The following ZNF621 variants were observed in gnomAD, a reference collection of about 807,000 sequenced individuals.
The protein encoded by ZNF621 is zinc finger protein 621.
In ZNF621, 6 loss-of-function variants were observed where a neutral mutation model predicts 12.7. The observed-to-expected ratio is 0.47, with a 90% CI of 0.26 to 0.93. The LOEUF (loss-of-function observed/expected upper bound fraction) is 0.93. ZNF621 is among the 40% of genes least tolerant of loss of function. The pLI, the probability that ZNF621 is intolerant of heterozygous loss-of-function variation, is 0.15. For missense variants in ZNF621, 474 were observed against 524.0 expected (o/e 0.90, Z 0.93); for synonymous variants, 156 against 190.3 (o/e 0.82, Z 1.48).
chr3:40,529,184 G>A, intron 2 of ZNF621, 135 bp from the exon 3 acceptor site: 1 of 1,060,352 alleles, frequency 9.4e-7, no homozygotes, highest in East Asian at 2.7e-5. Context: ...GGTGGTGGGT[G>A]TTCTTGTTGA....
chr3:40,538,571 A>G lies in ZNF621; in HGVS notation c.*5481A>G, dbSNP rs769021853. On this transcript the variant is annotated 3_prime_UTR_variant, in exon 5 of 5. Coordinates refer to ENST00000339296, the MANE Select transcript of ZNF621 (RefSeq NM_198484.5). ...CGTTGATAATGTGTCTGGTCACCCA[A>G]GAGTTCTGATGGAGATGTACAAAGA... 6.4e-6 allele frequency: 1 copy of G among 155,544 alleles called. No homozygotes were observed. The highest frequency in any genetic ancestry group is 1.4e-5 in the Non-Finnish European group (1 of 70,192). The allele number at this position is 155,544 out of a possible 1,614,324, so 9.6% of individuals were successfully genotyped here. A position where few individuals can be genotyped will look rare whatever the true frequency, so the allele number is the denominator to read the frequency against.
rs947527468 is a variant in ZNF621 at position 40,529,182 on chromosome 3, G to A, written c.25-137G>A. On this transcript the variant is annotated intron_variant, in intron 2 of 4. Coordinates refer to ENST00000339296, the MANE Select transcript of ZNF621 (RefSeq NM_198484.5). ...GGCTCGCCCCTGGCTGTGGTGGTGGGTGTTCTTGTTGAGCAGACCTTACAT... is the reference window on the plus strand; with the variant it reads ...GGCTCGCCCCTGGCTGTGGTGGTGGATGTTCTTGTTGAGCAGACCTTACAT... 42 of 1,008,684 alleles carry A rather than the reference G, an allele frequency of 4.2e-5. No individual in the cohort carries two copies. In the African/African-American group the frequency reaches 6.4e-4, roughly 15 times the overall value. 62.5% of individuals were successfully genotyped at this position (1,008,684 alleles called of 1,614,324 possible).
chr3:40,527,478 C>T (rs1698613256), intron 2 of ZNF621, among the ~76,000 whole-genome samples: 4 of 152,124 alleles, frequency 2.6e-5, no homozygotes, highest in Admixed American at 2.0e-4. Context: ...ATTACAGGTG[C>T]ACACCACCAT....
intron 2 of ZNF621, among the ~76,000 whole-genome samples, chr3:40,527,486 C>T (rs1698613485): frequency 6.6e-6 from 1 of 152,180 alleles, no homozygotes; most frequent in Admixed American, 6.5e-5. Context: ...TGCACACCAC[C>T]ATGCTGGGCT....
chr3:40,539,754 A>G lies in ZNF621; in HGVS notation c.*6664A>G, dbSNP rs901296280. On this transcript the variant is annotated 3_prime_UTR_variant, in exon 5 of 5. Transcript: ENST00000339296. ...ATCATTTAAAAAGCCTGATGATTTA[A>G]TATTTTTCATAAAGAAAACTTTTGA... 3.3e-5 allele frequency: 5 copies of G among 152,216 alleles called. No homozygotes were observed. Among genetic ancestry groups the G allele is most frequent in the Admixed American group, 2.6e-4 (4 of 15,284 alleles). 9.4% of individuals were successfully genotyped at this position (152,216 alleles called of 1,614,324 possible).
Position 40,537,893 on chromosome 3 carries a change from C to T in ZNF621, c.*4803C>T, listed in dbSNP as rs571564985. ...GTTAATTGATGAAGTTGCTACACCA[C>T]GAGATTTTCAGTGTATTCCAAACAG... On this transcript the variant is annotated 3_prime_UTR_variant, in exon 5 of 5. Coordinates refer to ENST00000339296, the MANE Select transcript of ZNF621 (RefSeq NM_198484.5). Among the ~76,000 whole-genome samples, 29 of 152,196 alleles carry T rather than the reference C, an allele frequency of 1.9e-4. No individual in the cohort carries two copies. The highest frequency in any genetic ancestry group is 2.6e-4 in the Non-Finnish European group (18 of 68,042).
chr3:40,523,634 G>A (rs1052401394), upstream of ZNF621, among the ~76,000 whole-genome samples: 2 of 151,902 alleles, frequency 1.3e-5, no homozygotes, highest in African/African-American at 2.4e-5. Context: ...GCGTGGTGGC[G>A]GGGTGCCTGT....
chr3:40,529,641 G>A, intron 3 of ZNF621, 196 bp downstream of exon 3: 1 of 1,389,016 alleles, frequency 7.2e-7, no homozygotes, highest in South Asian at 1.2e-5. Flanking sequence ...TGTTTGTTTT[G>A]AGACAGAGTC....
chr3:40,531,811 G>A (rs56351887), intron 4 of ZNF621, among the ~76,000 whole-genome samples: 46,510 of 152,004 alleles, frequency 0.31, 7,669 homozygotes, highest in South Asian at 0.41. Context: ...CCATCCGCCT[G>A]CCTCAGCCTC....
In ZNF621 at chr3:40,532,996, C is replaced by T. The variant is rs1378824764; in HGVS notation, c.1226C>T (p.Ser409Phe). The change falls in exon 5 of 5, where the codon TCT (serine) becomes TTT (phenylalanine). Residue 409 changes from serine to phenylalanine, a missense_variant. Transcript: ENST00000339296. ...CTGCTGCCTACATCTGGAATACCTTCTTCATCTGCCCAAATAGTGCGTGTC... is the reference window on the plus strand; with the variant it reads ...CTGCTGCCTACATCTGGAATACCTTTTTCATCTGCCCAAATAGTGCGTGTC... ...FMLLPTSGIPSSSAQIVRVFQ... is the reference protein window; with the variant it reads ...FMLLPTSGIPFSSAQIVRVFQ... The T allele has an allele frequency of 1.4e-5, 21 of 1,551,698 alleles. No homozygotes were observed. In the East Asian group the frequency reaches 5.1e-4, roughly 38 times the overall value.
rs775297040 is a variant in ZNF621 at position 40,532,846 on chromosome 3, A to G, written c.1076A>G (p.Gln359Arg). The G allele has an allele frequency of 8.7e-6, 14 of 1,613,738 alleles. No individual in the cohort carries two copies. Among genetic ancestry groups the G allele is most frequent in the Middle Eastern group, 1.6e-4 (1 of 6,084 alleles). The change falls in exon 5 of 5, where the codon CAG becomes CGG. Residue 359 changes from glutamine (Q) to arginine (R), a missense_variant. Coordinates refer to ENST00000339296, the MANE Select transcript of ZNF621 (RefSeq NM_198484.5). The part of the protein sequence containing the change: ...KVLGPSLVSP[Q>R]CSSPAIPPVL... ...CTTGGGCCATCCCTGGTCAGTCCCC[A>G]GTGCTCCTCTCCAGCCATACCTCCT...
rs370700559 is a variant in ZNF621, at chr3:40,528,513, C to T, written c.25-806C>T. ...TCAACTCCTAAATTTAGTTAAGCACCAAGGAGCATGACTGCTGGGTTGTAT... is the reference window on the plus strand; with the variant it reads ...TCAACTCCTAAATTTAGTTAAGCACTAAGGAGCATGACTGCTGGGTTGTAT... On this transcript the variant is annotated intron_variant, in intron 2 of 4. Coordinates refer to ENST00000339296, the MANE Select transcript of ZNF621 (RefSeq NM_198484.5). Among the ~76,000 whole-genome samples, 34 of 152,202 alleles carry T rather than the reference C, an allele frequency of 2.2e-4. 1 individual carries two copies. Among genetic ancestry groups the T allele is most frequent in the African/African-American group, 7.0e-4 (29 of 41,528 alleles).
rs1698753721 is a variant in ZNF621 at position 40,532,498 on chromosome 3, C to G, written c.728C>G (p.Ala243Gly). The change falls in exon 5 of 5, where the codon GCT becomes GGT. Residue 243 changes from alanine to glycine, a missense_variant. Ala to Gly is a moderately conservative substitution (Grantham distance 60). Transcript: ENST00000339296. ...TATGAATGTAAAGAGTGTGGAAAGG[C>G]TTTCCGTAGGAGTGCGGCATACCTG... ...KPYECKECGK[A>G]FRRSAAYLQH... The G allele has an allele frequency of 6.2e-7, 1 of 1,614,030 alleles. No homozygotes were observed. Among genetic ancestry groups the G allele is most frequent in the Non-Finnish European group, 8.5e-7 (1 of 1,180,044 alleles).
intron 1 of ZNF621, chr3:40,525,567 T>C: frequency 1.7e-6 from 1 of 605,588 alleles, no homozygotes. Flanking sequence ...AAAAAAGCTC[T>C]TCGGACTGAG....
intron 2 of ZNF621, among the ~76,000 whole-genome samples, chr3:40,527,175 G>A (rs1189024813): frequency 2.0e-5 from 3 of 151,952 alleles, no homozygotes; most frequent in African/African-American, 4.8e-5. Context: ...CCGCCACCAC[G>A]TCCGGCTAAT....
At position 40,532,224 on chromosome 3, in the gene ZNF621, G is replaced by T. The variant is rs1396195802; in HGVS notation, c.454G>T (p.Glu152Ter). 1.2e-6 allele frequency: 2 copies of T among 1,614,008 alleles called. No homozygotes were observed. Among genetic ancestry groups the T allele is most frequent in the Non-Finnish European group, 8.5e-7 (1 of 1,180,038 alleles). The change falls in exon 5 of 5, where the codon GAA becomes TAA. Residue 152 changes from glutamate to a stop codon, truncating the protein, a stop_gained. Coordinates refer to ENST00000339296, the MANE Select transcript of ZNF621 (RefSeq NM_198484.5). LOFTEE classifies it low-confidence loss of function (END_TRUNC). The stretch of plus-strand genomic sequence containing the variant: ...ACTTCGAGGTGGAATGAAGTTCTAT[G>T]AATGTAAAGAATGTGGGAAAATCTT... ...LILRGGMKFYECKECGKIFRY... is the reference protein window; with the variant it reads ...LILRGGMKFY
intron 1 of ZNF621, 103 bp from the exon 2 acceptor site, chr3:40,525,676 C>T (rs1221695319): frequency 1.2e-6 from 1 of 840,294 alleles, no homozygotes; most frequent in East Asian, 2.6e-5. Context: ...CTAGTAGAAT[C>T]TCCGTGCATC....
In ZNF621 at chr3:40,532,754, C is replaced by T. The variant is rs554095985; in HGVS notation, c.984C>T (p.Phe328=). 6.2e-7 allele frequency: 1 copy of T among 1,614,172 alleles called. No individual in the cohort carries two copies. Among genetic ancestry groups the T allele is most frequent in the South Asian group, 1.1e-5 (1 of 91,078 alleles). ...PYECKVCGKA[F]KWYGSFVQHQ... is the part of the protein sequence containing the mutation. ...AATGTAAGGTGTGTGGGAAAGCCTT[C>T]AAATGGTATGGAAGTTTTGTTCAGC... Residue 328 remains phenylalanine (F), a synonymous_variant, in exon 5 of 5, where the codon TTC becomes TTT. Transcript: ENST00000339296.
chr3:40,532,198 T>C lies in ZNF621; in HGVS notation c.428T>C (p.Ile143Thr). The C allele has an allele frequency of 6.2e-7, 1 of 1,614,210 alleles. No individual in the cohort carries two copies. Among genetic ancestry groups the C allele is most frequent in the East Asian group, 2.2e-5 (1 of 44,878 alleles). Residue 143 changes from isoleucine (I) to threonine (T), a missense_variant, in exon 5 of 5, where the codon ATA becomes ACA. Ile to Thr is a moderately conservative substitution (Grantham distance 89, BLOSUM62 -1). Coordinates refer to ENST00000339296, the MANE Select transcript of ZNF621 (RefSeq NM_198484.5). Reference sequence around the variant, plus strand: ...ACTTTCAATCTAAATCCAAATCTGATACTTCGAGGTGGAATGAAGTTCTAT... The same window carrying C: ...ACTTTCAATCTAAATCCAAATCTGACACTTCGAGGTGGAATGAAGTTCTAT... ...KQTFNLNPNLILRGGMKFYEC... is the reference protein window; with the variant it reads ...KQTFNLNPNLTLRGGMKFYEC...
Sources: allele counts gnomAD v4.1 joint callset (sites outside exome capture counted in the v4.1 genomes callset), GRCh38; gene constraint gnomAD v4.1.1; transcripts MANE v1.5; gene names NCBI Gene and HGNC (gene_info 2026-07-23, HGNC 2026-07-21).